Variants in SPATA31D1 observed in about 807,000 individuals in gnomAD.
SPATA31D1 encodes the protein SPATA31 subfamily D member 1.
Under a neutral mutation model 13.2 loss-of-function variants are expected in SPATA31D1, and 6 were observed. The observed-to-expected ratio is 0.46, with a 90% CI of 0.25 to 0.90. The LOEUF is 0.90. Among genes scored for constraint, SPATA31D1 ranks in the 40% least tolerant of loss-of-function variants. The pLI, the probability that SPATA31D1 is intolerant of heterozygous loss-of-function variation, is 0.18. For synonymous variants in SPATA31D1, 903 were observed against 718.8 expected, an observed-to-expected ratio of 1.26 and a Z score of -4.10; for missense variants, 2,445 against 1,884.7, an observed-to-expected ratio of 1.30 and a Z score of -5.50.
chr9:81,994,837 G>A lies in SPATA31D1; in HGVS notation c.4367G>A (p.Gly1456Asp). ...CATGTCAGAGCAGAGCCTGTCCAGG[G>A]CTGTCCCTGCAACTACAGGGCTCCC... ...EVHVRAEPVQ[G>D]CPCNYRAPSC... The change falls in exon 4 of 4, where the codon GGC (glycine) becomes GAC (aspartate). Residue 1456 changes from glycine (G) to aspartate (D), a missense_variant. Physicochemically the swap from Gly to Asp is moderately conservative, Grantham distance 94 (BLOSUM62 -1). Transcript: ENST00000344803. 6.2e-7 allele frequency: 1 copy of A among 1,613,952 alleles called. No individual in the cohort carries two copies. The highest frequency in any genetic ancestry group is 8.5e-7 in the Non-Finnish European group (1 of 1,179,876).
At chr9:81,989,532 C>T (rs189074607) in intron 1 of SPATA31D1, among the ~76,000 whole-genome samples, 3 of 152,264 alleles carry the variant, frequency 2.0e-5, no homozygotes, top group East Asian at 3.9e-4. Context: ...TGCCCTCCTT[C>T]AGAATTGCTA....
Position 81,994,842 on chromosome 9 carries a change from C to T in SPATA31D1, c.4372C>T (p.Pro1458Ser). Residue 1458 changes from proline (P) to serine (S), a missense_variant, in exon 4 of 4, where the codon CCC (proline) becomes TCC (serine). Coordinates refer to ENST00000344803, the MANE Select transcript of SPATA31D1 (RefSeq NM_001001670.3). ...HVRAEPVQGC[P>S]CNYRAPSCKV... ...CAGAGCAGAGCCTGTCCAGGGCTGT[C>T]CCTGCAACTACAGGGCTCCCTCCTG... The T allele has an allele frequency of 2.5e-6, 4 of 1,613,968 alleles. No homozygotes were observed. The highest frequency in any genetic ancestry group is 3.4e-6 in the Non-Finnish European group (4 of 1,179,870).
At chr9:81,988,105 C>T (rs936458628), upstream of SPATA31D1, among the ~76,000 whole-genome samples, 1 of 152,190 alleles carries the variant, frequency 6.6e-6, no homozygotes, top group Non-Finnish European at 1.5e-5. Flanking sequence ...CCATGAAAGC[C>T]AGCACAGGGG....
intron 1 of SPATA31D1, among the ~76,000 whole-genome samples, chr9:81,989,308 A>G (rs540146205): frequency 6.6e-6 from 1 of 152,248 alleles, no homozygotes; most frequent in Admixed American, 6.5e-5. Flanking sequence ...TTATTTAGAG[A>G]TTGTGGGCTC....
rs1265790392 is a variant in SPATA31D1, at chr9:81,991,633, C to A, written c.1163C>A (p.Ala388Asp). Reference protein sequence around the residue: ...EELLTLHSSEAFLGGHSVANL... With the variant: ...EELLTLHSSEDFLGGHSVANL... ...CTTCTTACCCTTCATTCTTCTGAGG[C>A]CTTTTTAGGGGGGCACTCTGTGGCC... The change falls in exon 4 of 4, where the codon GCC (alanine) becomes GAC (aspartate). Residue 388 changes from alanine (A) to aspartate (D), a missense_variant. Transcript: ENST00000344803. 1 of 1,613,932 alleles carries A rather than the reference C, an allele frequency of 6.2e-7. No homozygotes were observed. The highest frequency in any genetic ancestry group is 1.1e-5 in the South Asian group (1 of 91,074).
Position 81,994,613 on chromosome 9 carries a change from GTCA to G in SPATA31D1, c.4148_4150del (p.Ser1383del), listed in dbSNP as rs747544774. The G allele has an allele frequency of 5.6e-6, 9 of 1,612,918 alleles. No homozygotes were observed. The highest frequency in any genetic ancestry group is 6.8e-6 in the Non-Finnish European group (8 of 1,179,444). On this transcript the variant is annotated inframe_deletion, in exon 4 of 4. Coordinates refer to ENST00000344803, the MANE Select transcript of SPATA31D1 (RefSeq NM_001001670.3). ...GTTCCTGGGAAAAGGGTAGCTCCCTGTCATCATGTGTGCAGAATATTGGTCGAG... is the reference window on the plus strand; with the variant it reads ...GTTCCTGGGAAAAGGGTAGCTCCCTGTCATGTGTGCAGAATATTGGTCGAG...
At chr9:81,989,078 A>G in intron 1 of SPATA31D1, 74 bp downstream of exon 1, 1 of 1,566,316 alleles carries the variant, frequency 6.4e-7, no homozygotes, top group South Asian at 1.2e-5. Context: ...ACATTTCTAA[A>G]TAAGTTTGGT....
At chr9:81,988,708 C>T (rs1411797063), upstream of SPATA31D1, 3 of 1,549,980 alleles carry the variant, frequency 1.9e-6, no homozygotes, top group Non-Finnish European at 2.6e-6. Flanking sequence ...TCCCTGCACC[C>T]TTAGAAACCT....
chr9:81,988,320 T>A (rs1015661698), upstream of SPATA31D1, among the ~76,000 whole-genome samples: 2 of 152,156 alleles, frequency 1.3e-5, no homozygotes, highest in African/African-American at 2.4e-5. Flanking sequence ...ACGAAGCAAG[T>A]ATAAAGGAAA....
At position 81,993,435 on chromosome 9, in the gene SPATA31D1, G is replaced by A. The variant is rs1564175314; in HGVS notation, c.2965G>A (p.Val989Ile). ...CCCCATCCTTGATCGTCCTCACCCT[G>A]TCTCCTCACCTGTCGTCCAAGAAGG... ...SVPILDRPHPVSSPVVQEGQG... is the reference protein window; with the variant it reads ...SVPILDRPHPISSPVVQEGQG... The change falls in exon 4 of 4, where the codon GTC becomes ATC. Residue 989 changes from valine (V) to isoleucine (I), a missense_variant. Val to Ile is a conservative substitution (Grantham distance 29). Coordinates refer to ENST00000344803, the MANE Select transcript of SPATA31D1 (RefSeq NM_001001670.3). 3 of 1,613,850 alleles carry A rather than the reference G, an allele frequency of 1.9e-6. No individual in the cohort carries two copies. Among genetic ancestry groups the A allele is most frequent in the Admixed American group, 1.7e-5 (1 of 60,014 alleles).
In SPATA31D1 at chr9:81,993,655, G is replaced by A. The variant is rs781478497; in HGVS notation, c.3185G>A (p.Gly1062Glu). The A allele has an allele frequency of 1.7e-5, 28 of 1,613,956 alleles. No individual in the cohort carries two copies. The highest frequency in any genetic ancestry group is 2.3e-5 in the Non-Finnish European group (27 of 1,179,874). Residue 1062 changes from glycine (G) to glutamate (E), a missense_variant, in exon 4 of 4, where the codon GGG becomes GAG. By Grantham distance (98) the Gly-to-Glu change is moderately conservative. Coordinates refer to ENST00000344803, the MANE Select transcript of SPATA31D1 (RefSeq NM_001001670.3). ...VTSPVNQEKQ[G>E]TLRREFSDTD... ...TCACCTGTCAACCAAGAAAAGCAGG[G>A]GACCCTGAGAAGAGAATTCTCTGAT...
In SPATA31D1 at chr9:81,993,693, C is replaced by T. The variant is rs927446999; in HGVS notation, c.3223C>T (p.Leu1075Phe). 4 of 1,613,902 alleles carry T rather than the reference C, an allele frequency of 2.5e-6. No homozygotes were observed. The highest frequency in any genetic ancestry group is 2.2e-5 in the East Asian group (1 of 44,888). Residue 1075 changes from leucine (L) to phenylalanine (F), a missense_variant, in exon 4 of 4, where the codon CTT becomes TTT. By Grantham distance (22) the Leu-to-Phe change is conservative. Transcript: ENST00000344803. ...AGAATTCTCTGATACTGACAATGAT[C>T]TTACAGAAAGTGTCCGGACAACAGA... ...RREFSDTDND[L>F]TESVRTTEDG... is the part of the protein sequence containing the mutation.
At chr9:81,988,299 A>C (rs1184544547), upstream of SPATA31D1, among the ~76,000 whole-genome samples, 2 of 152,234 alleles carry the variant, frequency 1.3e-5, no homozygotes, top group Non-Finnish European at 2.9e-5. Flanking sequence ...GTAATGTTCA[A>C]CATTCACAAA....
chr9:81,989,828 T>C lies in SPATA31D1; in HGVS notation c.232+5T>C. The C allele has an allele frequency of 6.2e-7, 1 of 1,613,380 alleles. No individual in the cohort carries two copies. Among genetic ancestry groups the C allele is most frequent in the Non-Finnish European group, 8.5e-7 (1 of 1,179,518 alleles). ...GGAAAGGTGGGACATTCAAAGGTAATGTCAGCCTGCTCTATCTGAGCTTCA... is the reference window on the plus strand; with the variant it reads ...GGAAAGGTGGGACATTCAAAGGTAACGTCAGCCTGCTCTATCTGAGCTTCA... On this transcript the variant is annotated splice_donor_5th_base_variant and intron_variant, in intron 2 of 3. Transcript: ENST00000344803.
chr9:81,992,614 C>T lies in SPATA31D1; in HGVS notation c.2144C>T (p.Pro715Leu), dbSNP rs1824998636. 1.2e-6 allele frequency: 2 copies of T among 1,613,144 alleles called. No individual in the cohort carries two copies. The highest frequency in any genetic ancestry group is 1.7e-6 in the Non-Finnish European group (2 of 1,179,748). The part of the protein sequence containing the change: ...RIHESLSLLR[P>L]QSKISELSVS... The stretch of plus-strand genomic sequence containing the variant: ...CATGAGTCTCTGTCATTGCTACGTC[C>T]TCAGAGCAAAATTTCAGAGCTATCT... Residue 715 changes from proline to leucine, a missense_variant, in exon 4 of 4, where the codon CCT becomes CTT. Pro to Leu is a moderately conservative substitution (Grantham distance 98). Coordinates refer to ENST00000344803, the MANE Select transcript of SPATA31D1 (RefSeq NM_001001670.3).
rs757667660 is a variant in SPATA31D1 at position 81,992,210 on chromosome 9, C to T, written c.1740C>T (p.Ser580=). 3.1e-6 allele frequency: 5 copies of T among 1,613,744 alleles called. No individual in the cohort carries two copies. The highest frequency in any genetic ancestry group is 4.2e-6 in the Non-Finnish European group (5 of 1,179,716). Residue 580 remains serine (S), a synonymous_variant, in exon 4 of 4, where the codon TCC becomes TCT. Coordinates refer to ENST00000344803, the MANE Select transcript of SPATA31D1 (RefSeq NM_001001670.3). ...CCCCACATCTCACTCAGGTGAAGTC[C>T]CTGGCTCAACCTCAATCTCCATTCC... ...GQSPHLTQVK[S]LAQPQSPFRA... is the part of the protein sequence containing the mutation.
rs373603059 is a variant in SPATA31D1, at chr9:81,991,359, G to A, written c.889G>A (p.Gly297Arg). Residue 297 changes from glycine (G) to arginine (R), a missense_variant, in exon 4 of 4, where the codon GGA becomes AGA. Physicochemically the swap from Gly to Arg is moderately radical, Grantham distance 125. Coordinates refer to ENST00000344803, the MANE Select transcript of SPATA31D1 (RefSeq NM_001001670.3). ...CATTGATTCTTGTGCTCGTCATCACGGACCACCAATCCCATCTGCTTTACC... is the reference window on the plus strand; with the variant it reads ...CATTGATTCTTGTGCTCGTCATCACAGACCACCAATCCCATCTGCTTTACC... ...NPIDSCARHH[G>R]PPIPSALPPE... 4.3e-6 allele frequency: 7 copies of A among 1,613,952 alleles called. No homozygotes were observed. The highest frequency in any genetic ancestry group is 1.1e-5 in the South Asian group (1 of 91,080).
rs753774556 is a variant in SPATA31D1, at chr9:81,994,372, G to T, written c.3902G>T (p.Gly1301Val). 1.9e-6 allele frequency: 3 copies of T among 1,613,956 alleles called. No individual in the cohort carries two copies. The Admixed American group carries it at 5.0e-5, about 27-fold the overall frequency. The change falls in exon 4 of 4, where the codon GGA becomes GTA. Residue 1301 changes from glycine (G) to valine (V), a missense_variant. Physicochemically the swap from Gly to Val is moderately radical, Grantham distance 109 (BLOSUM62 -3). Transcript: ENST00000344803. ...VNRVSPVRPK[G>V]GELDGGDAGL... ...AGAGTGAGTCCTGTGAGACCCAAAGGAGGAGAGCTTGATGGAGGGGATGCA... is the reference window on the plus strand; with the variant it reads ...AGAGTGAGTCCTGTGAGACCCAAAGTAGGAGAGCTTGATGGAGGGGATGCA...
In SPATA31D1 at chr9:81,995,126, T is replaced by G; in HGVS notation, c.4656T>G (p.Ser1552Arg). 6.2e-7 allele frequency: 1 copy of G among 1,603,008 alleles called. No homozygotes were observed. Among genetic ancestry groups the G allele is most frequent in the African/African-American group, 1.3e-5 (1 of 74,774 alleles). The change falls in exon 4 of 4, where the codon AGT becomes AGG. Residue 1552 changes from serine (S) to arginine (R), a missense_variant. Transcript: ENST00000344803. ...VPTSAKSPVF[S>R]DVPFLTGQKM... is the part of the protein sequence containing the mutation. ...CCAGTGCTAAAAGCCCTGTGTTTAG[T>G]GATGTGCCTTTCCTAACTGGACAGA...
Sources: gnomAD v4.1 joint callset for allele counts (sites outside exome capture counted in the v4.1 genomes callset) on GRCh38, gnomAD v4.1.1 for gene constraint, MANE v1.5 for transcripts, NCBI Gene and HGNC (gene_info 2026-07-23, HGNC 2026-07-21) for gene names.